PCDHGB1: variants seen among roughly 807,000 people sequenced by gnomAD.
PCDHGB1 encodes protocadherin gamma subfamily B, 1, also known as protocadherin gamma-B1.
A neutral mutation model predicts 56.6 loss-of-function variants in PCDHGB1; 34 were observed. The observed-to-expected ratio is 0.60, with a 90% CI of 0.46 to 0.80. PCDHGB1 has a LOEUF of 0.80. Among genes scored for constraint, PCDHGB1 ranks in the 30% least tolerant of loss-of-function variants. The pLI, the probability that PCDHGB1 is intolerant of heterozygous loss-of-function variation, is 0.00. For missense variants in PCDHGB1, 1,278 were observed against 1,204.6 expected, an observed-to-expected ratio of 1.06 and a Z score of -0.90; for synonymous variants, 561 against 505.9, an observed-to-expected ratio of 1.11 and a Z score of -1.46.
At chr5:141,389,283 G>C in intron 1 of PCDHGB1, 1 of 1,614,022 alleles carries the variant, frequency 6.2e-7, no homozygotes. Flanking sequence ...CCCGCCTGGA[G>C]CCTCTATTTC....
intron 1 of PCDHGB1, among the ~76,000 whole-genome samples, chr5:141,472,113 A>G (rs1296591849): frequency 1.3e-5 from 2 of 152,260 alleles, no homozygotes; most frequent in East Asian, 3.8e-4. Flanking sequence ...ATACATAAAG[A>G]AAATAAAAGA....
rs769249726 is a variant in PCDHGB1 at position 141,490,832 on chromosome 5, A to C, written c.2410-3975A>C. On this transcript the variant is annotated intron_variant, in intron 1 of 3. Transcript: ENST00000523390. This position sits in a 1 kb window ranked among gnomAD's most constrained non-coding sequence, Gnocchi z 5.4. Reference sequence around the variant, plus strand: ...GACTATGAATTGCTGCAGATGCTGCAGATTGTGGTGGGGGTTCGAGACTCC... The same window carrying C: ...GACTATGAATTGCTGCAGATGCTGCCGATTGTGGTGGGGGTTCGAGACTCC... 1.5e-5 allele frequency: 25 copies of C among 1,613,796 alleles called. No individual in the cohort carries two copies. In the South Asian group the frequency reaches 2.6e-4, roughly 17 times the overall value.
intron 1 of PCDHGB1, chr5:141,371,242 A>G (rs759523256): frequency 3.7e-6 from 6 of 1,613,916 alleles, no homozygotes; most frequent in East Asian, 2.2e-5. Context: ...GCCTTCATCA[A>G]TATTGGCAAG....
At chr5:141,371,659 T>A (rs762117464) in intron 1 of PCDHGB1, 4 of 1,613,850 alleles carry the variant, frequency 2.5e-6, no homozygotes. Flanking sequence ...AATGTGACGA[T>A]CACAGCTACC....
Position 141,355,398 on chromosome 5 carries a change from C to T in PCDHGB1, c.2409+2729C>T, listed in dbSNP as rs768527060. 11 of 1,613,956 alleles carry T rather than the reference C, an allele frequency of 6.8e-6. No individual in the cohort carries two copies. The Admixed American group carries it at 1.3e-4, about 20-fold the overall frequency. ...AGCTGGCGGAGCGCGGAGTCCGCAT[C>T]GTCTCCAGAGGTAGGACGCAGCTTT... is the stretch of plus-strand genomic sequence containing the variant. On this transcript the variant is annotated intron_variant, in intron 1 of 3. Transcript: ENST00000523390.
At chr5:141,372,931 A>T in intron 1 of PCDHGB1, 1 of 890,318 alleles carries the variant, frequency 1.1e-6, no homozygotes, top group Non-Finnish European at 1.6e-6. Flanking sequence ...TTTCTGGTGT[A>T]GAGTAGGGTG....
intron 1 of PCDHGB1, chr5:141,384,561 C>A (rs778010622): frequency 3.1e-6 from 5 of 1,614,254 alleles, no homozygotes; most frequent in South Asian, 1.1e-5. Context: ...TCGTGCTGGA[C>A]CAGAATGACA....
At chr5:141,460,569 T>C (rs1234392082) in intron 1 of PCDHGB1, among the ~76,000 whole-genome samples, 2 of 152,100 alleles carry the variant, frequency 1.3e-5, no homozygotes, top group Admixed American at 1.3e-4. Context: ...GCCATGGACA[T>C]ATGTAGGTGT....
intron 1 of PCDHGB1, chr5:141,427,003 T>C: frequency 2.2e-6 from 1 of 456,764 alleles, no homozygotes; most frequent in South Asian, 1.5e-5. Flanking sequence ...GCCCCAGTTT[T>C]TAGCCAGGAT....
chr5:141,384,576 G>C (rs757254740), intron 1 of PCDHGB1: 3 of 1,614,178 alleles, frequency 1.9e-6, no homozygotes, highest in Admixed American at 1.7e-5. Flanking sequence ...ATGACAACCC[G>C]CCCGAGATCC....
chr5:141,458,619 G>T (rs1393941674), intron 1 of PCDHGB1, among the ~76,000 whole-genome samples: 1 of 152,080 alleles, frequency 6.6e-6, no homozygotes, highest in South Asian at 2.1e-4. Context: ...AGCCAGGCTG[G>T]AGTGCAGTGG....
At position 141,489,181 on chromosome 5, in the gene PCDHGB1, T is replaced by C; in HGVS notation, c.2410-5626T>C. The C allele has an allele frequency of 1.6e-6, 2 of 1,259,546 alleles. No homozygotes were observed. The highest frequency in any genetic ancestry group is 2.2e-6 in the Non-Finnish European group (2 of 905,040). The allele number at this position is 1,259,546 out of a possible 1,614,324, so 78.0% of individuals were successfully genotyped here. ...ACTTCAGCTGCTGCATTCCAAGCCC[T>C]GGGTCTACCTTGGAGACAGGACAGC... On this transcript the variant is annotated intron_variant, in intron 1 of 3. Transcript: ENST00000523390. This position sits in a 1 kb window ranked among gnomAD's most constrained non-coding sequence, Gnocchi z 4.5.
intron 1 of PCDHGB1, chr5:141,371,091 G>A (rs1414973980): frequency 8.7e-6 from 14 of 1,613,670 alleles, no homozygotes; most frequent in Non-Finnish European, 1.1e-5. Context: ...GGTAATTGTC[G>A]CAGATGCAAA....
chr5:141,394,511 C>T, intron 1 of PCDHGB1: 1 of 1,614,218 alleles, frequency 6.2e-7, no homozygotes. Flanking sequence ...TGTACCCCGC[C>T]CTCCCCACAG....
chr5:141,432,128 T>C lies in PCDHGB1; in HGVS notation c.2410-62679T>C. 3 of 1,614,080 alleles carry C rather than the reference T, an allele frequency of 1.9e-6. No homozygotes were observed. Among genetic ancestry groups the C allele is most frequent in the Non-Finnish European group, 2.5e-6 (3 of 1,180,016 alleles). On this transcript the variant is annotated intron_variant, in intron 1 of 3. Coordinates refer to ENST00000523390, the MANE Select transcript of PCDHGB1 (RefSeq NM_018922.3). This position sits in a 1 kb window ranked among gnomAD's most constrained non-coding sequence, Gnocchi z 6.0. ...CCCGCCGGTCTTCCCTCAGGCCTCC[T>C]ATTCCGCTTATATCCCAGAGAACAA... is the stretch of plus-strand genomic sequence containing the variant.
intron 1 of PCDHGB1, among the ~76,000 whole-genome samples, chr5:141,435,590 A>G (rs1005651004): frequency 3.3e-5 from 5 of 152,210 alleles, no homozygotes; most frequent in African/African-American, 7.2e-5. Context: ...TTGCAGTAAT[A>G]TCGCCTGCTT....
chr5:141,375,244 G>T (rs527726605), intron 1 of PCDHGB1: 4 of 1,613,892 alleles, frequency 2.5e-6, no homozygotes, highest in Non-Finnish European at 3.4e-6. Context: ...GTTCCATCCC[G>T]AGAAGTCTCC....
rs1390441638 is a variant in PCDHGB1, at chr5:141,432,562, C to T, written c.2410-62245C>T. 1.9e-6 allele frequency: 3 copies of T among 1,613,964 alleles called. No individual in the cohort carries two copies. Among genetic ancestry groups the T allele is most frequent in the Non-Finnish European group, 2.5e-6 (3 of 1,180,004 alleles). On this transcript the variant is annotated intron_variant, in intron 1 of 3. Coordinates refer to ENST00000523390, the MANE Select transcript of PCDHGB1 (RefSeq NM_018922.3). This position sits in a 1 kb window ranked among gnomAD's most constrained non-coding sequence, Gnocchi z 6.0. ...CGGTGGACAGAGACTCCGGCCAGAA[C>T]GCCTGGCTGTCCTACCGTCTGCTCA...
chr5:141,417,859 GAT>G, intron 1 of PCDHGB1: 1 of 1,548,208 alleles, frequency 6.5e-7, no homozygotes, highest in Middle Eastern at 1.7e-4. Context: ...CCGAGCGAAC[GAT>G]GGGAGGGAGC....
Sources: gnomAD v4.1 joint callset for allele counts (sites outside exome capture counted in the v4.1 genomes callset) on GRCh38, gnomAD v4.1.1 for gene constraint, Gnocchi (gnomAD v3.1) non-coding constraint, MANE v1.5 for transcripts, NCBI Gene and HGNC (gene_info 2026-07-23, HGNC 2026-07-21) for gene names.